Variants in TTC7B observed in about 807,000 individuals in gnomAD.
TTC7B encodes tetratricopeptide repeat domain 7B, also known as tetratricopeptide repeat protein 7B.
A neutral mutation model predicts 106.8 loss-of-function variants in TTC7B; 28 were observed. The ratio of observed to expected loss-of-function variants is 0.26; its 90% CI spans 0.19 to 0.36. The LOEUF (loss-of-function observed/expected upper bound fraction) is 0.36, where lower values mean the gene tolerates loss of function less well. Among genes scored for constraint, TTC7B ranks in the 10% least tolerant of loss-of-function variants. TTC7B has a pLI of 1.00. For missense variants in TTC7B, 862 were observed against 1,076.4 expected (o/e 0.80, Z 2.79); for synonymous variants, 405 against 430.6 (o/e 0.94, Z 0.74).
intron 7 of TTC7B, 32 bp from the exon 8 acceptor site, chr14:90,680,567 T>C (rs759977216): frequency 2.6e-6 from 4 of 1,551,966 alleles, no homozygotes; most frequent in African/African-American, 2.7e-5. Context: ...CTTTGATATA[T>C]GGCAGTTTCA....
At chr14:90,612,961 C>T (rs111527635) in intron 16 of TTC7B, among the ~76,000 whole-genome samples, 115 of 152,340 alleles carry the variant, frequency 7.5e-4, no homozygotes, top group African/African-American at 2.6e-3. Context: ...ACAGGATCCA[C>T]GTTCCCTCCA....
chr14:90,660,177 A>G (rs1242322127), intron 9 of TTC7B, among the ~76,000 whole-genome samples: 1 of 152,000 alleles, frequency 6.6e-6, no homozygotes, highest in Non-Finnish European at 1.5e-5. Flanking sequence ...TGAGGCCAGG[A>G]GTTCGAGACC....
intron 1 of TTC7B, among the ~76,000 whole-genome samples, chr14:90,804,896 C>T (rs759686732): frequency 6.6e-5 from 10 of 152,190 alleles, no homozygotes; most frequent in African/African-American, 1.9e-4. Flanking sequence ...CACAGAGGGG[C>T]GGTGGAGGGG....
Position 90,608,402 on chromosome 14 carries a change from G to A in TTC7B, c.1966+2340C>T, listed in dbSNP as rs997369999. Among the ~76,000 whole-genome samples the A allele has an allele frequency of 1.3e-5, 2 of 151,338 alleles. No individual in the cohort carries two copies. The highest frequency in any genetic ancestry group is 4.9e-5 in the African/African-American group (2 of 41,058). On this transcript the variant is annotated intron_variant, in intron 17 of 19. Transcript: ENST00000328459. This position sits in a 1 kb window ranked among gnomAD's most constrained non-coding sequence, Gnocchi z 5.1. ...CTGGTTGGGTCGGGGGTGGTGTAGG[G>A]CTGGTGGCAGGAGTCTCAGAAGGAC...
At chr14:90,606,193 A>G (rs996531039) in intron 17 of TTC7B, among the ~76,000 whole-genome samples, 1 of 152,214 alleles carries the variant, frequency 6.6e-6, no homozygotes, top group African/African-American at 2.4e-5. Context: ...TCCAAGGTGC[A>G]GAGTACTGAG....
intron 13 of TTC7B, among the ~76,000 whole-genome samples, chr14:90,651,295 C>T (rs1885705936): frequency 6.6e-6 from 1 of 152,186 alleles, no homozygotes; most frequent in Non-Finnish European, 1.5e-5. Context: ...TTAGGTTAGC[C>T]TTCTGCAATA....
At chr14:90,604,203 T>G (rs1021642449) in intron 17 of TTC7B, among the ~76,000 whole-genome samples, 6 of 152,178 alleles carry the variant, frequency 3.9e-5, no homozygotes, top group Admixed American at 6.5e-5. Flanking sequence ...TATTCTAGAA[T>G]GGGAAGATCC....
chr14:90,557,946 C>A (rs1050858939), intron 19 of TTC7B, among the ~76,000 whole-genome samples: 18 of 152,254 alleles, frequency 1.2e-4, no homozygotes, highest in Admixed American at 6.5e-4. Flanking sequence ...AAGACAGGCG[C>A]TCATCGCTGC....
chr14:90,806,407 C>T (rs1001626383), intron 1 of TTC7B, among the ~76,000 whole-genome samples: 4 of 152,216 alleles, frequency 2.6e-5, no homozygotes, highest in African/African-American at 7.2e-5. Flanking sequence ...CCCACCTCCC[C>T]GCTGCAGGGC....
intron 3 of TTC7B, among the ~76,000 whole-genome samples, chr14:90,769,040 A>G (rs1311857697): frequency 6.6e-6 from 1 of 152,190 alleles, no homozygotes; most frequent in Non-Finnish European, 1.5e-5. Flanking sequence ...TCGGTAACAG[A>G]AAGGGGTGGG....
intron 5 of TTC7B, among the ~76,000 whole-genome samples, chr14:90,713,992 T>C (rs1394395695): frequency 6.6e-6 from 1 of 151,162 alleles, no homozygotes; most frequent in Non-Finnish European, 1.5e-5. Context: ...CTTTGGGAGG[T>C]GGAGGCAGGC....
At chr14:90,748,026 A>G (rs181325239) in intron 3 of TTC7B, among the ~76,000 whole-genome samples, 1 of 152,236 alleles carries the variant, frequency 6.6e-6, no homozygotes, top group African/African-American at 2.4e-5. Context: ...TGGTATTTAA[A>G]GTGTATTTCT....
At chr14:90,748,141 GAT>G (rs1168613176) in intron 3 of TTC7B, among the ~76,000 whole-genome samples, 1 of 152,088 alleles carries the variant, frequency 6.6e-6, no homozygotes, top group Non-Finnish European at 1.5e-5. Context: ...TTTTTAAACA[GAT>G]AGGTTTAAAT....
chr14:90,750,048 C>T (rs866913327), intron 3 of TTC7B, among the ~76,000 whole-genome samples: 2 of 152,300 alleles, frequency 1.3e-5, no homozygotes, highest in Admixed American at 1.3e-4. Context: ...ACTGTTATAA[C>T]CTCTTGACAT....
intron 14 of TTC7B, among the ~76,000 whole-genome samples, chr14:90,645,819 C>G (rs1885421320): frequency 6.6e-6 from 1 of 152,162 alleles, no homozygotes. Context: ...GAACACATGT[C>G]AGGTGGCATT....
intron 2 of TTC7B, among the ~76,000 whole-genome samples, chr14:90,783,406 G>A (rs1891282145): frequency 6.6e-6 from 1 of 152,182 alleles, no homozygotes; most frequent in Admixed American, 6.5e-5. Context: ...GGAGGAAGGT[G>A]AAAAAGAGCA....
chr14:90,593,643 A>G lies in TTC7B; in HGVS notation c.1967-17T>C. 6.3e-7 allele frequency: 1 copy of G among 1,575,466 alleles called. No individual in the cohort carries two copies. Among genetic ancestry groups the G allele is most frequent in the Non-Finnish European group, 8.6e-7 (1 of 1,157,758 alleles). ...GGACGGAGCCTGTGAGAGGTTTTTG[A>G]GAAGACTCTATCAGGAGCGAAAGAA... On this transcript the variant is annotated splice_polypyrimidine_tract_variant and intron_variant, in intron 17 of 19. Transcript: ENST00000328459.
At chr14:90,581,311 A>G (rs535169248) in intron 18 of TTC7B, among the ~76,000 whole-genome samples, 1 of 152,278 alleles carries the variant, frequency 6.6e-6, no homozygotes, top group Non-Finnish European at 1.5e-5. Flanking sequence ...CTGAACTTCT[A>G]TACTCACAGG....
chr14:90,816,082 GCCCGCGC>G, intron 1 of TTC7B, 86 bp downstream of exon 1: 4 of 978,512 alleles, frequency 4.1e-6, no homozygotes, highest in Non-Finnish European at 4.8e-6. Context: ...CCGCGCCCCT[GCCCGCGC>G]CCCGCGCCCG....
Sources: gnomAD v4.1 joint callset for allele counts (sites outside exome capture counted in the v4.1 genomes callset) on GRCh38, gnomAD v4.1.1 for gene constraint, Gnocchi (gnomAD v3.1) non-coding constraint, MANE v1.5 for transcripts, NCBI Gene and HGNC (gene_info 2026-07-23, HGNC 2026-07-21) for gene names.